Variants in STAU2 observed in about 807,000 individuals in gnomAD.
STAU2 encodes the protein staufen double-stranded RNA binding protein 2.
A neutral mutation model predicts 65.9 loss-of-function variants in STAU2; 20 were observed. The observed-to-expected ratio is 0.30, with a 90% CI of 0.21 to 0.44. The LOEUF is 0.44. Among genes scored for constraint, STAU2 ranks in the 20% least tolerant of loss-of-function variants. The probability of loss-of-function intolerance (pLI) is 1.00; values close to 1 mark genes in which losing one functional copy is unlikely to be tolerated. For synonymous variants in STAU2, 232 were observed against 233.9 expected (o/e 0.99, Z 0.07); for missense variants, 558 against 683.9 (o/e 0.82, Z 2.05).
rs148858197 is a variant in STAU2 at position 73,737,723 on chromosome 8, A to G, written c.-18+561T>C. ...GGCCAAAAGTATTTTCTAACACTATAGTTATGATACAATGTTCTATTTGAT... is the reference window on the plus strand; with the variant it reads ...GGCCAAAAGTATTTTCTAACACTATGGTTATGATACAATGTTCTATTTGAT... On this transcript the variant is annotated intron_variant, in intron 3 of 14. Coordinates refer to ENST00000524300, the MANE Select transcript of STAU2 (RefSeq NM_001164380.2). 4.7e-4 allele frequency among the ~76,000 whole-genome samples: 71 copies of G among 152,140 alleles called. No homozygotes were observed. In the East Asian group the frequency reaches 7.3e-3, roughly 16 times the overall value.
intron 13 of STAU2, among the ~76,000 whole-genome samples, chr8:73,512,459 C>T (rs534610549): frequency 4.5e-4 from 68 of 152,262 alleles, no homozygotes; most frequent in Non-Finnish European, 9.1e-4. Flanking sequence ...GCAAATCTTG[C>T]ATCTCTGTGT....
intron 13 of STAU2, among the ~76,000 whole-genome samples, chr8:73,496,950 G>A (rs1362975671): frequency 6.6e-6 from 1 of 151,626 alleles, no homozygotes; most frequent in Non-Finnish European, 1.5e-5. Context: ...TTACTTTGTT[G>A]TTGAAAATAA....
intron 11 of STAU2, among the ~76,000 whole-genome samples, chr8:73,592,489 G>C (rs1446713565): frequency 6.6e-6 from 1 of 152,002 alleles, no homozygotes; most frequent in East Asian, 1.9e-4. Context: ...TAAAATCTGA[G>C]TTTGTAGTTA....
intron 11 of STAU2, among the ~76,000 whole-genome samples, chr8:73,591,467 A>G (rs1810774383): frequency 6.6e-6 from 1 of 152,206 alleles, no homozygotes; most frequent in African/African-American, 2.4e-5. Context: ...ACCCAATTAT[A>G]TGCTTTCTAA....
chr8:73,547,060 A>G (rs6991770), intron 13 of STAU2, among the ~76,000 whole-genome samples: 14,951 of 152,214 alleles, frequency 0.098, 1,158 homozygotes, highest in East Asian at 0.44. Flanking sequence ...ACACGAAATG[A>G]TAATCATCTT....
chr8:73,537,961 T>C (rs1166972184), intron 13 of STAU2, among the ~76,000 whole-genome samples: 1 of 152,204 alleles, frequency 6.6e-6, no homozygotes, highest in Non-Finnish European at 1.5e-5. Context: ...TTACCAAAAA[T>C]GCACAACCTC....
intron 3 of STAU2, among the ~76,000 whole-genome samples, chr8:73,715,553 G>A (rs1431871727): frequency 5.3e-5 from 8 of 151,806 alleles, no homozygotes; most frequent in Admixed American, 5.2e-4. Flanking sequence ...AATCATTTAA[G>A]TATTAACAAG....
chr8:73,483,410 G>C (rs948012008), intron 13 of STAU2, among the ~76,000 whole-genome samples: 2 of 152,046 alleles, frequency 1.3e-5, no homozygotes, highest in Non-Finnish European at 2.9e-5. Context: ...CATTTATATA[G>C]CTCTTATCTA....
chr8:73,447,704 C>G (rs1415163163), intron 13 of STAU2, among the ~76,000 whole-genome samples: 1 of 152,222 alleles, frequency 6.6e-6, no homozygotes, highest in Non-Finnish European at 1.5e-5. Context: ...TCGCTGACCA[C>G]GAGGTGGAAC....
At chr8:73,471,666 A>G (rs1278220923) in intron 13 of STAU2, among the ~76,000 whole-genome samples, 3 of 151,930 alleles carry the variant, frequency 2.0e-5, no homozygotes, top group Admixed American at 6.6e-5. Flanking sequence ...TAAAAATACA[A>G]AATTAGCCGG....
chr8:73,506,174 G>T (rs887595167), intron 13 of STAU2, among the ~76,000 whole-genome samples: 1 of 152,162 alleles, frequency 6.6e-6, no homozygotes, highest in Non-Finnish European at 1.5e-5. Context: ...GTGTTCCATT[G>T]TGAGTAGTTT....
At chr8:73,575,270 T>C (rs186872579) in intron 12 of STAU2, among the ~76,000 whole-genome samples, 1 of 152,148 alleles carries the variant, frequency 6.6e-6, no homozygotes, top group Admixed American at 6.6e-5. Flanking sequence ...ATAAGAGAAA[T>C]GCAAAATAAA....
At chr8:73,522,867 G>T (rs1193622112) in intron 13 of STAU2, among the ~76,000 whole-genome samples, 1 of 152,138 alleles carries the variant, frequency 6.6e-6, no homozygotes, top group Non-Finnish European at 1.5e-5. Flanking sequence ...CCAGACAGGA[G>T]TGGGCTTAGA....
intron 11 of STAU2, among the ~76,000 whole-genome samples, chr8:73,592,119 A>C (rs918609059): frequency 2.6e-5 from 4 of 151,856 alleles, no homozygotes; most frequent in African/African-American, 9.7e-5. Flanking sequence ...AAAGAGCAGA[A>C]ATCAAAAAAA....
At chr8:73,445,323 AGTC>A (rs1360328864) in intron 13 of STAU2, among the ~76,000 whole-genome samples, 3 of 152,218 alleles carry the variant, frequency 2.0e-5, no homozygotes, top group African/African-American at 7.2e-5. Context: ...TGGCGGCAGC[AGTC>A]CCTTATTCAT....
intron 11 of STAU2, among the ~76,000 whole-genome samples, chr8:73,594,851 C>G (rs569661385): frequency 6.6e-6 from 1 of 152,236 alleles, no homozygotes; most frequent in Non-Finnish European, 1.5e-5. Context: ...AACCTGTGTT[C>G]TTAAAAGGCA....
chr8:73,576,047 C>T (rs1345609050), intron 12 of STAU2, among the ~76,000 whole-genome samples: 3 of 152,126 alleles, frequency 2.0e-5, no homozygotes, highest in Non-Finnish European at 2.9e-5. Context: ...AAGATTTCTA[C>T]TTGTTACAGC....
intron 12 of STAU2, among the ~76,000 whole-genome samples, chr8:73,573,403 G>A (rs981459755): frequency 3.9e-5 from 6 of 151,994 alleles, no homozygotes; most frequent in African/African-American, 7.3e-5. Flanking sequence ...AAAAACCTAC[G>A]TTAAAGTTCA....
At chr8:73,439,005 C>T (rs769096419) in intron 13 of STAU2, 14 of 456,594 alleles carry the variant, frequency 3.1e-5, no homozygotes, top group Admixed American at 7.0e-5. Context: ...TCAACGTCTC[C>T]GTTTAGAAGA....
Sources: allele counts gnomAD v4.1 joint callset (sites outside exome capture counted in the v4.1 genomes callset), GRCh38; gene constraint gnomAD v4.1.1; transcripts MANE v1.5; gene names NCBI Gene and HGNC (gene_info 2026-07-23, HGNC 2026-07-21).